OTUD7A: variants seen among roughly 807,000 people sequenced by gnomAD.
The protein encoded by OTUD7A is OTU domain-containing protein 7A.
A neutral mutation model predicts 65.7 loss-of-function variants in OTUD7A; 12 were observed. The observed-to-expected ratio is 0.18, with a 90% confidence interval of 0.12 to 0.30. The LOEUF is 0.30. Ranked by LOEUF, OTUD7A falls within the 10% of genes least tolerant of loss-of-function variation. OTUD7A has a pLI of 1.00. For missense variants in OTUD7A, 1,148 were observed against 1,304.8 expected (o/e 0.88, Z 1.85); for synonymous variants, 641 against 586.3 (o/e 1.09, Z -1.35).
chr15:31,587,136 C>G (rs1322950962), intron 3 of OTUD7A, among the ~76,000 whole-genome samples: 3 of 152,154 alleles, frequency 2.0e-5, no homozygotes, highest in Non-Finnish European at 4.4e-5. Context: ...TTCTTACCCT[C>G]ACACCCGACA....
intron 3 of OTUD7A, among the ~76,000 whole-genome samples, chr15:31,610,603 A>ATG: frequency 2.6e-5 from 1 of 38,398 alleles, no homozygotes; most frequent in African/African-American, 1.1e-4. Flanking sequence ...TTATATATAT[A>ATG]TATATATATA....
chr15:31,867,363 T>C (rs1897903966), intron 1 of OTUD7A, among the ~76,000 whole-genome samples: 1 of 152,150 alleles, frequency 6.6e-6, no homozygotes, highest in African/African-American at 2.4e-5. Context: ...TGGAAATAAA[T>C]GTGGCACCAT....
At chr15:31,690,517 G>A (rs1365012891) in intron 1 of OTUD7A, among the ~76,000 whole-genome samples, 2 of 152,200 alleles carry the variant, frequency 1.3e-5, no homozygotes, top group South Asian at 2.1e-4. Flanking sequence ...ATGAATCTAT[G>A]GTAATCAAAG....
intron 1 of OTUD7A, among the ~76,000 whole-genome samples, chr15:31,749,533 C>A (rs1027521123): frequency 6.6e-6 from 1 of 152,138 alleles, no homozygotes; most frequent in Non-Finnish European, 1.5e-5. Flanking sequence ...ATAATAGTTC[C>A]AAACTGCAAA....
At chr15:31,867,380 G>C (rs1288724782) in intron 1 of OTUD7A, among the ~76,000 whole-genome samples, 1 of 152,126 alleles carries the variant, frequency 6.6e-6, no homozygotes, top group African/African-American at 2.4e-5. Flanking sequence ...CCATCAGAAG[G>C]TCAGAGGCCA....
At chr15:31,668,031 T>A (rs1412208831) in intron 1 of OTUD7A, among the ~76,000 whole-genome samples, 2 of 152,226 alleles carry the variant, frequency 1.3e-5, no homozygotes, top group African/African-American at 4.8e-5. Flanking sequence ...CTGACAGGTT[T>A]TCCTTTATAG....
At chr15:31,496,722 G>C (rs981171739) in intron 10 of OTUD7A, among the ~76,000 whole-genome samples, 1 of 152,152 alleles carries the variant, frequency 6.6e-6, no homozygotes, top group Non-Finnish European at 1.5e-5. Flanking sequence ...GGGAATAGTA[G>C]AGCATAGGTG....
At chr15:31,800,403 T>C (rs189593984) in intron 1 of OTUD7A, among the ~76,000 whole-genome samples, 1 of 152,266 alleles carries the variant, frequency 6.6e-6, no homozygotes, top group Non-Finnish European at 1.5e-5. Flanking sequence ...GCCCATGGTC[T>C]CACCACCCCC....
intron 1 of OTUD7A, among the ~76,000 whole-genome samples, chr15:31,660,434 T>C (rs1427289722): frequency 6.6e-6 from 1 of 152,162 alleles, no homozygotes. Flanking sequence ...ACGGTTTAGA[T>C]GAAAATTAAG....
intron 3 of OTUD7A, among the ~76,000 whole-genome samples, chr15:31,631,267 C>T (rs1244100646): frequency 2.6e-5 from 4 of 152,154 alleles, no homozygotes; most frequent in Non-Finnish European, 4.4e-5. Context: ...TTTAAGAGCT[C>T]TTTTAGGGCA....
chr15:31,512,148 T>C (rs192820585), intron 8 of OTUD7A, among the ~76,000 whole-genome samples: 1 of 152,332 alleles, frequency 6.6e-6, no homozygotes, highest in African/African-American at 2.4e-5. Context: ...GGAAATACTT[T>C]ACCGGTGTTT....
chr15:31,643,700 C>T (rs556259064), intron 3 of OTUD7A, among the ~76,000 whole-genome samples: 2 of 152,306 alleles, frequency 1.3e-5, no homozygotes, highest in East Asian at 1.9e-4. Flanking sequence ...GAGTGCCAGA[C>T]AGCAAGACTT....
At chr15:31,641,349 T>G (rs1891511679) in intron 3 of OTUD7A, among the ~76,000 whole-genome samples, 1 of 152,234 alleles carries the variant, frequency 6.6e-6, no homozygotes, top group Admixed American at 6.5e-5. Flanking sequence ...CTTGGGTATT[T>G]CTTCATAGCA....
At chr15:31,621,394 G>A (rs1457746008) in intron 3 of OTUD7A, among the ~76,000 whole-genome samples, 2 of 152,062 alleles carry the variant, frequency 1.3e-5, no homozygotes, top group Non-Finnish European at 2.9e-5. Flanking sequence ...ATTATTGTGT[G>A]GGAGTCTAAG....
intron 1 of OTUD7A, among the ~76,000 whole-genome samples, chr15:31,832,808 A>G (rs1410824874): frequency 6.6e-6 from 1 of 152,202 alleles, no homozygotes; most frequent in African/African-American, 2.4e-5. Flanking sequence ...ATAATATTCC[A>G]TTGTATGAAT....
chr15:31,537,385 A>G (rs1353020690), intron 5 of OTUD7A, among the ~76,000 whole-genome samples: 1 of 152,242 alleles, frequency 6.6e-6, no homozygotes, highest in Non-Finnish European at 1.5e-5. Flanking sequence ...AAAGTTAAGT[A>G]GACGAACATC....
chr15:31,745,299 A>C (rs1894446609), intron 1 of OTUD7A, among the ~76,000 whole-genome samples: 1 of 152,176 alleles, frequency 6.6e-6, no homozygotes, highest in Admixed American at 6.5e-5. Context: ...GTTACTATAA[A>C]GCTACAGTAA....
rs761436604 is a variant in OTUD7A, at chr15:31,487,181, C to G, written c.1371+13G>C. Reference sequence around the variant, plus strand: ...CCTGCTGCCAGGTCTGGTCCCAGCACAGCCAGGCTCACCCGTGTCTCGGAG... The same window carrying G: ...CCTGCTGCCAGGTCTGGTCCCAGCAGAGCCAGGCTCACCCGTGTCTCGGAG... On this transcript the variant is annotated intron_variant, in intron 12 of 12. Transcript: ENST00000307050. The surrounding 1 kb of genome is among the most constrained non-coding windows in gnomAD (Gnocchi z 6.0). 1 of 1,612,126 alleles carries G rather than the reference C, an allele frequency of 6.2e-7. No individual in the cohort carries two copies. The highest frequency in any genetic ancestry group is 1.1e-5 in the South Asian group (1 of 90,842).
At chr15:31,805,758 A>G (rs1409635207) in intron 1 of OTUD7A, among the ~76,000 whole-genome samples, 1 of 152,244 alleles carries the variant, frequency 6.6e-6, no homozygotes, top group East Asian at 1.9e-4. Context: ...CAAGGCAGAC[A>G]GCTAAGAGAC....
Sources: allele counts gnomAD v4.1 joint callset (sites outside exome capture counted in the v4.1 genomes callset), GRCh38; gene constraint gnomAD v4.1.1; non-coding constraint Gnocchi (gnomAD v3.1); transcripts MANE v1.5; gene names NCBI Gene and HGNC (gene_info 2026-07-23, HGNC 2026-07-21).